Variants in NECTIN3 observed in about 807,000 individuals in gnomAD.
NECTIN3 encodes nectin cell adhesion molecule 3.
A neutral mutation model predicts 49.4 loss-of-function variants in NECTIN3; 8 were observed. The ratio of observed to expected loss-of-function variants is 0.16; its 90% CI spans 0.10 to 0.29. The LOEUF is 0.29. Ranked by LOEUF, NECTIN3 falls within the 10% of genes least tolerant of loss-of-function variation. The probability of loss-of-function intolerance (pLI) is 1.00; values close to 1 mark genes in which losing one functional copy is unlikely to be tolerated. For synonymous variants in NECTIN3, 277 were observed against 241.1 expected (o/e 1.15, Z -1.38); for missense variants, 581 against 654.6 (o/e 0.89, Z 1.23).
At position 111,148,973 on chromosome 3, in the gene NECTIN3, C is replaced by T. The variant is rs140157380; in HGVS notation, c.1221+1489C>T. 1.6e-3 allele frequency among the ~76,000 whole-genome samples: 236 copies of T among 152,082 alleles called. 1 individual carries two copies. Among genetic ancestry groups the T allele is most frequent in the African/African-American group, 5.6e-3 (231 of 41,510 alleles). On this transcript the variant is annotated intron_variant, in intron 7 of 8. Coordinates refer to the NECTIN3 transcript ENST00000493615. ...CTTGAACTAGAATGTAGAAAAAAGT[C>T]TTAGAAAACTAATAGTTTTATGGTT...
At chr3:111,096,432 A>G (rs1276716222) in intron 1 of NECTIN3, among the ~76,000 whole-genome samples, 1 of 152,130 alleles carries the variant, frequency 6.6e-6, no homozygotes, top group Non-Finnish European at 1.5e-5. Context: ...AGAAAATCCC[A>G]TTTTCTGAGG....
At chr3:111,183,396 C>G (rs1024952671) in intron 7 of NECTIN3, among the ~76,000 whole-genome samples, 5 of 151,644 alleles carry the variant, frequency 3.3e-5, no homozygotes, top group African/African-American at 1.2e-4. Flanking sequence ...ACTGCAACCT[C>G]TGCCTCCCAG....
chr3:111,151,396 A>G (rs181915128), intron 7 of NECTIN3, among the ~76,000 whole-genome samples: 83 of 143,896 alleles, frequency 5.8e-4, no homozygotes, highest in Admixed American at 1.5e-3. Flanking sequence ...GTCAGTGTCT[A>G]TAATATCACT....
intron 1 of NECTIN3, among the ~76,000 whole-genome samples, chr3:111,098,867 T>G (rs780192591): frequency 6.6e-6 from 1 of 152,048 alleles, no homozygotes; most frequent in Non-Finnish European, 1.5e-5. Flanking sequence ...TTCATCTCCT[T>G]TGTCCTTCCT....
chr3:111,166,409 C>T (rs550362483), intron 7 of NECTIN3, among the ~76,000 whole-genome samples: 2 of 152,226 alleles, frequency 1.3e-5, no homozygotes, highest in South Asian at 2.1e-4. Context: ...GATACACAAC[C>T]GAAGAAAACA....
At chr3:111,126,111 C>T in intron 4 of NECTIN3, 73 bp from the exon 5 acceptor site, 1 of 1,042,728 alleles carries the variant, frequency 9.6e-7, no homozygotes, top group South Asian at 2.9e-5. Context: ...ACATATAATG[C>T]CTCATTTTAA....
Position 111,133,776 on chromosome 3 carries a change from C to T in NECTIN3, c.1211C>T (p.Thr404Met), listed in dbSNP as rs139502141. The change falls in exon 6 of 6, where the codon ACG becomes ATG. Residue 404 changes from threonine to methionine, a missense_variant. Thr to Met is a moderately conservative substitution (Grantham distance 81). Coordinates refer to ENST00000485303, the MANE Select transcript of NECTIN3 (RefSeq NM_015480.3). ...ACAATTAAGGATGACACAATTGCCA[C>T]GATCATTGCTAGTGTAGTGGGTGGG... ...LATIKDDTIA[T>M]IIASVVGGAL... 14 of 1,613,834 alleles carry T rather than the reference C, an allele frequency of 8.7e-6. No individual in the cohort carries two copies. Among genetic ancestry groups the T allele is most frequent in the African/African-American group, 4.0e-5 (3 of 74,896 alleles).
intron 4 of NECTIN3, among the ~76,000 whole-genome samples, chr3:111,123,094 C>A (rs892540523): frequency 6.6e-6 from 1 of 151,820 alleles, no homozygotes; most frequent in East Asian, 1.9e-4. Context: ...TTTTTAAGAG[C>A]GTCTTCTCAT....
intron 7 of NECTIN3, among the ~76,000 whole-genome samples, chr3:111,165,035 T>G (rs1030162525): frequency 1.3e-5 from 2 of 152,010 alleles, no homozygotes; most frequent in Admixed American, 1.3e-4. Flanking sequence ...TTTTTTATTT[T>G]TTTATTTTTT....
chr3:111,170,195 G>T (rs1191350507), intron 7 of NECTIN3, among the ~76,000 whole-genome samples: 1 of 152,212 alleles, frequency 6.6e-6, no homozygotes, highest in Non-Finnish European at 1.5e-5. Context: ...ATGAAGAAAA[G>T]TGAAAGGTAG....
At chr3:111,149,458 G>GGT (rs1559809006) in intron 7 of NECTIN3, among the ~76,000 whole-genome samples, 24 of 109,554 alleles carry the variant, frequency 2.2e-4, no homozygotes, top group African/African-American at 3.3e-4. Flanking sequence ...ATTCTGGTAG[G>GGT]ATGTGTGTGT....
At chr3:111,074,360 G>A (rs1251369701) in intron 1 of NECTIN3, 3 of 362,444 alleles carry the variant, frequency 8.3e-6, no homozygotes, top group South Asian at 4.1e-5. Flanking sequence ...TAATATTTGC[G>A]TGGAGCCAGT....
Position 111,136,927 on chromosome 3 carries a change from AT to A in NECTIN3, c.*2715del. On this transcript the variant is annotated 3_prime_UTR_variant, in exon 6 of 6. Coordinates refer to ENST00000485303, the MANE Select transcript of NECTIN3 (RefSeq NM_015480.3). Reference sequence around the variant, plus strand: ...TTGAGAAGTGCTTTAGAGTTGAAAGATTTAGTATTTTACCACGTGCCTAGTA... The same window carrying A: ...TTGAGAAGTGCTTTAGAGTTGAAAGATTAGTATTTTACCACGTGCCTAGTA... 1.0e-6 allele frequency: 1 copy of A among 971,134 alleles called. No individual in the cohort carries two copies. Among genetic ancestry groups the A allele is most frequent in the Non-Finnish European group, 1.2e-6 (1 of 817,124 alleles). 60.2% of individuals were successfully genotyped at this position (971,134 alleles called of 1,614,324 possible). A position where few individuals can be genotyped will look rare whatever the true frequency, so the allele number is the denominator to read the frequency against.
intron 1 of NECTIN3, among the ~76,000 whole-genome samples, chr3:111,105,218 T>C (rs996592140): frequency 8.6e-5 from 13 of 151,784 alleles, no homozygotes; most frequent in Non-Finnish European, 1.5e-4. Context: ...TCTTGGCTCA[T>C]TGCAACCTCT....
intron 5 of NECTIN3, among the ~76,000 whole-genome samples, chr3:111,128,073 C>A (rs1341645356): frequency 6.6e-6 from 1 of 152,096 alleles, no homozygotes; most frequent in African/African-American, 2.4e-5. Flanking sequence ...CGTGGTGGCT[C>A]ACACCTGTAA....
chr3:111,112,767 A>G (rs1257056820), intron 2 of NECTIN3, among the ~76,000 whole-genome samples: 1 of 152,070 alleles, frequency 6.6e-6, no homozygotes, highest in Non-Finnish European at 1.5e-5. Flanking sequence ...GGAGCCATTG[A>G]CACCTCATGT....
chr3:111,119,458 A>G (rs1042880612), intron 3 of NECTIN3, among the ~76,000 whole-genome samples: 1 of 152,112 alleles, frequency 6.6e-6, no homozygotes, highest in African/African-American at 2.4e-5. Context: ...CAGCCTCCCA[A>G]GTAGCTGGGA....
chr3:111,107,990 A>G (rs1007771377), intron 1 of NECTIN3, among the ~76,000 whole-genome samples: 2 of 152,176 alleles, frequency 1.3e-5, no homozygotes, highest in East Asian at 3.8e-4. Context: ...TATTAATACT[A>G]GAAGAGTAGT....
intron 1 of NECTIN3, among the ~76,000 whole-genome samples, chr3:111,083,535 C>G (rs1282385996): frequency 6.6e-6 from 1 of 152,162 alleles, no homozygotes; most frequent in Non-Finnish European, 1.5e-5. Flanking sequence ...GGGCTGTCAC[C>G]AGGAACCTGA....
Sources: gnomAD v4.1 joint callset for allele counts (sites outside exome capture counted in the v4.1 genomes callset) on GRCh38, gnomAD v4.1.1 for gene constraint, MANE v1.5 for transcripts, NCBI Gene and HGNC (gene_info 2026-07-23, HGNC 2026-07-21) for gene names.